The following CCDC7 variants were observed in gnomAD, a reference collection of about 807,000 sequenced individuals.
CCDC7 encodes coiled-coil domain-containing protein 7.
Under a neutral mutation model 196.9 loss-of-function variants are expected in CCDC7, and 183 were observed. The ratio of observed to expected loss-of-function variants is 0.93; its 90% CI spans 0.82 to 1.05. The LOEUF is 1.05. Ranked by LOEUF, CCDC7 falls within the 50% of genes least tolerant of loss-of-function variation. The pLI is 0.00. For synonymous variants in CCDC7, 525 were observed against 484.6 expected, an observed-to-expected ratio of 1.08 and a Z score of -1.10; for missense variants, 1,540 against 1,482.2, an observed-to-expected ratio of 1.04 and a Z score of -0.64.
At chr10:32,732,425 T>C (rs574646762) in intron 28 of CCDC7, among the ~76,000 whole-genome samples, 1 of 152,312 alleles carries the variant, frequency 6.6e-6, no homozygotes, top group South Asian at 2.1e-4. Flanking sequence ...ATGTATATTC[T>C]CCATTGTCGT....
At chr10:32,524,894 C>G (rs2048418235) in intron 11 of CCDC7, among the ~76,000 whole-genome samples, 1 of 152,042 alleles carries the variant, frequency 6.6e-6, no homozygotes, top group Non-Finnish European at 1.5e-5. Flanking sequence ...GGTCTATAAC[C>G]TTGTACTGGA....
intron 13 of CCDC7, among the ~76,000 whole-genome samples, chr10:32,544,698 G>A (rs2052122378): frequency 6.6e-6 from 1 of 152,014 alleles, no homozygotes; most frequent in Non-Finnish European, 1.5e-5. Context: ...TAACCCAAAT[G>A]TGTAAAACAA....
intron 18 of CCDC7, among the ~76,000 whole-genome samples, chr10:32,633,222 C>T (rs1203436197): frequency 1.3e-5 from 2 of 151,842 alleles, no homozygotes; most frequent in African/African-American, 4.8e-5. Context: ...CGCACACACA[C>T]ACACACACAC....
intron 21 of CCDC7, among the ~76,000 whole-genome samples, chr10:32,666,515 A>G (rs754370959): frequency 6.7e-6 from 1 of 149,584 alleles, no homozygotes; most frequent in Admixed American, 6.6e-5. Flanking sequence ...TTCTAATGCT[A>G]TCGGTCCCCC....
chr10:32,544,223 A>T (rs201045528), intron 12 of CCDC7, 24 bp from the exon 14 acceptor site: 98 of 1,585,648 alleles, frequency 6.2e-5, no homozygotes, highest in Non-Finnish European at 8.3e-5. Flanking sequence ...ATCATGATGC[A>T]TTTTAAAACA....
At chr10:32,825,792 G>T (rs2091025468) in intron 32 of CCDC7, among the ~76,000 whole-genome samples, 1 of 152,122 alleles carries the variant, frequency 6.6e-6, no homozygotes, top group Admixed American at 6.5e-5. Flanking sequence ...TCATGCAAGT[G>T]GCTGACCTGC....
chr10:32,500,051 T>C (rs2043648262), intron 9 of CCDC7, among the ~76,000 whole-genome samples: 1 of 152,212 alleles, frequency 6.6e-6, no homozygotes, highest in Admixed American at 6.5e-5. Context: ...TTTCCCCACA[T>C]TTCCCCCTTT....
intron 13 of CCDC7, among the ~76,000 whole-genome samples, chr10:32,550,047 A>G (rs2053203470): frequency 6.6e-6 from 1 of 152,048 alleles, no homozygotes; most frequent in Non-Finnish European, 1.5e-5. Context: ...ATCCATGAGC[A>G]TGGGATGTGT....
intron 29 of CCDC7, among the ~76,000 whole-genome samples, chr10:32,794,631 T>A (rs923324923): frequency 1.8e-4 from 28 of 152,228 alleles, no homozygotes; most frequent in African/African-American, 6.5e-4. Flanking sequence ...CTGACTAGTG[T>A]GATATGTTAT....
intron 24 of CCDC7, among the ~76,000 whole-genome samples, chr10:32,704,704 A>G (rs2079390574): frequency 6.6e-6 from 1 of 152,146 alleles, no homozygotes; most frequent in African/African-American, 2.4e-5. Flanking sequence ...AAGCCTCAGC[A>G]ATGGCAGGCG....
chr10:32,658,792 T>C (rs929610099), intron 20 of CCDC7, among the ~76,000 whole-genome samples: 1 of 152,214 alleles, frequency 6.6e-6, no homozygotes, highest in African/African-American at 2.4e-5. Context: ...AAGTTACATA[T>C]TTCTATGAAT....
intron 24 of CCDC7, among the ~76,000 whole-genome samples, chr10:32,704,953 G>T (rs1056913756): frequency 2.0e-5 from 3 of 152,124 alleles, no homozygotes; most frequent in African/African-American, 7.2e-5. Flanking sequence ...CTGACCCCTT[G>T]CACTTCCCGG....
intron 29 of CCDC7, among the ~76,000 whole-genome samples, chr10:32,802,639 T>C (rs11595142): frequency 0.34 from 52,090 of 152,052 alleles, 11,333 homozygotes; most frequent in Non-Finnish European, 0.49. Flanking sequence ...GGTTCCTCAG[T>C]AGGCCATCTG....
At chr10:32,861,211 T>C (rs1008356513) in intron 41 of CCDC7, among the ~76,000 whole-genome samples, 2 of 150,686 alleles carry the variant, frequency 1.3e-5, no homozygotes, top group African/African-American at 2.4e-5. Flanking sequence ...ATGGTACTGG[T>C]ACCAAAACAG....
chr10:32,874,752 CTA>C (rs2094547491), intron 41 of CCDC7, among the ~76,000 whole-genome samples: 1 of 49,404 alleles, frequency 2.0e-5, no homozygotes, highest in Non-Finnish European at 5.4e-5. Flanking sequence ...ACCAACATAT[CTA>C]CACACACACA....
At chr10:32,679,413 G>A (rs1056450157) in intron 21 of CCDC7, among the ~76,000 whole-genome samples, 2 of 152,114 alleles carry the variant, frequency 1.3e-5, no homozygotes, top group African/African-American at 2.4e-5. Flanking sequence ...CTTGTTGGAG[G>A]ACCTCCAGGC....
intron 6 of CCDC7, 101 bp downstream of exon 7, chr10:32,471,331 A>C: frequency 1.5e-6 from 2 of 1,347,488 alleles, no homozygotes; most frequent in Non-Finnish European, 2.0e-6. Flanking sequence ...GGCTATACAC[A>C]GAGCTTCTTA....
chr10:32,506,931 A>G (rs1489021379), intron 9 of CCDC7, among the ~76,000 whole-genome samples: 1 of 152,196 alleles, frequency 6.6e-6, no homozygotes, highest in Non-Finnish European at 1.5e-5. Context: ...CTAATAACTT[A>G]AAATCTCTCT....
At chr10:32,854,719 G>A (rs1209479557) in intron 41 of CCDC7, among the ~76,000 whole-genome samples, 1 of 152,056 alleles carries the variant, frequency 6.6e-6, no homozygotes, top group African/African-American at 2.4e-5. Flanking sequence ...CCTCACTTTT[G>A]ACCCAGGTAA....
Sources: gnomAD v4.1 joint callset for allele counts (sites outside exome capture counted in the v4.1 genomes callset) on GRCh38, gnomAD v4.1.1 for gene constraint, MANE v1.5 for transcripts, NCBI Gene and HGNC (gene_info 2026-07-23, HGNC 2026-07-21) for gene names.